Variants in RERG observed in about 807,000 individuals in gnomAD.
RERG encodes the protein RAS like estrogen regulated growth inhibitor, also known as ras-related and estrogen-regulated growth inhibitor.
Under a neutral mutation model 23.2 loss-of-function variants are expected in RERG, and 25 were observed. The observed-to-expected ratio is 1.08, with a 90% CI of 0.79 to 1.50. The LOEUF (loss-of-function observed/expected upper bound fraction) is 1.50, where lower values mean the gene tolerates loss of function less well. RERG is among the 40% of genes most tolerant of loss of function. The pLI is 0.00. For missense variants in RERG, 253 were observed against 250.1 expected, an observed-to-expected ratio of 1.01 and a Z score of -0.08; for synonymous variants, 81 against 89.1, an observed-to-expected ratio of 0.91 and a Z score of 0.51.
intron 1 of RERG, among the ~76,000 whole-genome samples, chr12:15,220,716 G>T (rs1353113580): frequency 6.6e-6 from 1 of 152,110 alleles, no homozygotes; most frequent in African/African-American, 2.4e-5. Context: ...GGGAAGCAAA[G>T]ACCCTAGTCT....
Position 15,217,413 on chromosome 12 carries a change from AC to A in RERG, c.61+15del, listed in dbSNP as rs1014889344. 2.8e-5 allele frequency: 45 copies of A among 1,593,056 alleles called. No individual in the cohort carries two copies. Among genetic ancestry groups the A allele is most frequent in the Non-Finnish European group, 3.9e-5 (45 of 1,160,910 alleles). On this transcript the variant is annotated intron_variant, in intron 2 of 4. Coordinates refer to ENST00000256953, the MANE Select transcript of RERG (RefSeq NM_032918.3). ...CCCACACACACACACTATAACAACCACAACGAAAATCTTACCTGACTTGCCC... is the reference window on the plus strand; with the variant it reads ...CCCACACACACACACTATAACAACCAAACGAAAATCTTACCTGACTTGCCC...
chr12:15,148,440 C>A (rs911157899), intron 2 of RERG, among the ~76,000 whole-genome samples: 7 of 152,144 alleles, frequency 4.6e-5, no homozygotes, highest in Admixed American at 2.6e-4. Context: ...AAATGAAGGA[C>A]CATGCCAGTG....
intron 2 of RERG, among the ~76,000 whole-genome samples, chr12:15,178,339 T>C (rs538433923): frequency 1.1e-4 from 16 of 152,286 alleles, no homozygotes; most frequent in Admixed American, 9.8e-4. Flanking sequence ...TATATATGTC[T>C]TTGAGCCTCT....
intron 2 of RERG, among the ~76,000 whole-genome samples, chr12:15,139,014 C>CTT (rs34755371): frequency 0.027 from 1,371 of 51,044 alleles, 189 homozygotes; most frequent in Middle Eastern, 0.056. Flanking sequence ...TGTGTCTAGA[C>CTT]TTTTTTTTTT....
chr12:15,182,222 C>T (rs1864934053), intron 2 of RERG, among the ~76,000 whole-genome samples: 1 of 151,936 alleles, frequency 6.6e-6, no homozygotes. Context: ...CCATGCCTGG[C>T]TAATATTGTG....
chr12:15,212,870 AT>A (rs1865387857), intron 2 of RERG, among the ~76,000 whole-genome samples: 1 of 152,230 alleles, frequency 6.6e-6, no homozygotes. Context: ...CCACTTAAAA[AT>A]AAGATGAAAA....
intron 2 of RERG, among the ~76,000 whole-genome samples, chr12:15,198,764 C>G (rs1454833322): frequency 1.3e-5 from 2 of 152,174 alleles, no homozygotes; most frequent in East Asian, 1.9e-4. Context: ...TTATCCCTTT[C>G]CCCTATCCTC....
At chr12:15,139,159 A>C (rs1265430182) in intron 2 of RERG, among the ~76,000 whole-genome samples, 2 of 151,048 alleles carry the variant, frequency 1.3e-5, no homozygotes, top group African/African-American at 4.9e-5. Flanking sequence ...TCTACCTCTG[A>C]GCTCTTTATT....
intron 2 of RERG, among the ~76,000 whole-genome samples, chr12:15,140,084 G>T (rs1864211036): frequency 6.6e-6 from 1 of 152,064 alleles, no homozygotes; most frequent in East Asian, 1.9e-4. Flanking sequence ...TTTTTAAAAG[G>T]TGTTATGAAC....
At position 15,135,275 on chromosome 12, in the gene RERG, T is replaced by C. The variant is rs140094643; in HGVS notation, c.62-14156A>G. On this transcript the variant is annotated intron_variant, in intron 2 of 4. Coordinates refer to ENST00000256953, the MANE Select transcript of RERG (RefSeq NM_032918.3). Reference sequence around the variant, plus strand: ...AGTGATTGACCTGTATCCTGTAATCTTTCCGTAATTGCTTATCTGATCTGG... The same window carrying C: ...AGTGATTGACCTGTATCCTGTAATCCTTCCGTAATTGCTTATCTGATCTGG... Among the ~76,000 whole-genome samples the C allele has an allele frequency of 6.8e-4, 104 of 152,322 alleles. 2 individuals are homozygous for C. The highest frequency in any genetic ancestry group is 2.3e-3 in the African/African-American group (95 of 41,572).
chr12:15,111,496 G>T (rs1863616468), intron 3 of RERG, 79 bp from the exon 4 acceptor site: 2 of 1,127,140 alleles, frequency 1.8e-6, no homozygotes, highest in African/African-American at 1.5e-5. Flanking sequence ...CTGAAAATGG[G>T]CATGGGAGAA....
At chr12:15,125,095 A>C (rs1863914030) in intron 2 of RERG, among the ~76,000 whole-genome samples, 1 of 152,022 alleles carries the variant, frequency 6.6e-6, no homozygotes. Flanking sequence ...AAAAATACAT[A>C]GTTACCTATA....
At chr12:15,140,563 A>ATT (rs35641681) in intron 2 of RERG, among the ~76,000 whole-genome samples, 5 of 151,728 alleles carry the variant, frequency 3.3e-5, no homozygotes, top group South Asian at 2.1e-4. Context: ...TCCATGAATA[A>ATT]TTTTTTAACA....
chr12:15,165,280 A>G (rs1451770196), intron 2 of RERG, among the ~76,000 whole-genome samples: 2 of 152,184 alleles, frequency 1.3e-5, no homozygotes, highest in Non-Finnish European at 1.5e-5. Context: ...TAAGGAAACT[A>G]GATTGGAACT....
At chr12:15,141,386 C>T (rs188219425) in intron 2 of RERG, among the ~76,000 whole-genome samples, 17 of 152,206 alleles carry the variant, frequency 1.1e-4, no homozygotes, top group African/African-American at 3.4e-4. Context: ...TCACTGATTC[C>T]TTCCTCAGCT....
intron 2 of RERG, among the ~76,000 whole-genome samples, chr12:15,157,523 C>T (rs929150716): frequency 5.9e-5 from 9 of 152,174 alleles, no homozygotes; most frequent in Non-Finnish European, 8.8e-5. Flanking sequence ...TCAGCTGCTT[C>T]CTGTCCCCTA....
At chr12:15,141,949 C>T (rs1237557285) in intron 2 of RERG, among the ~76,000 whole-genome samples, 1 of 152,164 alleles carries the variant, frequency 6.6e-6, no homozygotes, top group Non-Finnish European at 1.5e-5. Context: ...AGGAATTTAT[C>T]TTACCATCAT....
chr12:15,204,186 A>C (rs1486551425), intron 2 of RERG, among the ~76,000 whole-genome samples: 1 of 151,840 alleles, frequency 6.6e-6, no homozygotes, highest in African/African-American at 2.4e-5. Context: ...ATGCTATAGT[A>C]ATCAAAACAG....
chr12:15,169,808 T>C (rs1864750785), intron 2 of RERG, among the ~76,000 whole-genome samples: 1 of 152,074 alleles, frequency 6.6e-6, no homozygotes, highest in South Asian at 2.1e-4. Flanking sequence ...AAACTTTGAC[T>C]CTTAATGATT....
Sources: allele counts gnomAD v4.1 joint callset (sites outside exome capture counted in the v4.1 genomes callset), GRCh38; gene constraint gnomAD v4.1.1; transcripts MANE v1.5; gene names NCBI Gene and HGNC (gene_info 2026-07-23, HGNC 2026-07-21).